Variants in BCR observed in about 807,000 individuals in gnomAD.
BCR encodes the protein breakpoint cluster region protein.
BCR carries 58 observed loss-of-function variants against 138.6 expected under a neutral mutation model. That is an observed-to-expected ratio of 0.42 (90% confidence interval 0.34 to 0.52). BCR has a LOEUF of 0.52. Among genes scored for constraint, BCR ranks in the 20% least tolerant of loss-of-function variants. The pLI, the probability that BCR is intolerant of heterozygous loss-of-function variation, is 0.06. For synonymous variants in BCR, 786 were observed against 730.1 expected, an observed-to-expected ratio of 1.08 and a Z score of -1.23; for missense variants, 1,599 against 1,727.2, an observed-to-expected ratio of 0.93 and a Z score of 1.32.
chr22:23,305,433 G>A (rs1042571584), intron 16 of BCR, among the ~76,000 whole-genome samples: 1 of 152,220 alleles, frequency 6.6e-6, no homozygotes, highest in African/African-American at 2.4e-5. Context: ...CTGAGGGTGG[G>A]TGAGAGGATG....
intron 1 of BCR, among the ~76,000 whole-genome samples, chr22:23,204,742 C>A (rs995630723): frequency 6.6e-5 from 10 of 152,226 alleles, no homozygotes; most frequent in Non-Finnish European, 1.0e-4. Context: ...GTGCAGGTTT[C>A]ATCTGGGGCA....
intron 1 of BCR, among the ~76,000 whole-genome samples, chr22:23,227,862 C>T (rs1341626010): frequency 2.0e-5 from 3 of 152,190 alleles, no homozygotes; most frequent in Non-Finnish European, 4.4e-5. Context: ...CTGTCTGCCT[C>T]AGGTTACTGT....
intron 1 of BCR, among the ~76,000 whole-genome samples, chr22:23,188,586 T>G (rs1372519138): frequency 6.6e-6 from 1 of 152,152 alleles, no homozygotes; most frequent in African/African-American, 2.4e-5. Context: ...GTCCCCTGTT[T>G]AGAGTGAATG....
intron 1 of BCR, among the ~76,000 whole-genome samples, chr22:23,198,612 A>G (rs2071432): frequency 0.23 from 34,858 of 152,008 alleles, 4,528 homozygotes; most frequent in East Asian, 0.35. Flanking sequence ...GTGGCCATGG[A>G]TAAGTGAAGA....
rs995898726 is a variant in BCR, at chr22:23,314,781, C to T, written c.3726+67C>T. ...CAGAGGTGGCCTCTGCCTGCCCCACCCCCAGTCCTGCCCATCTTCTTACTT... is the reference window on the plus strand; with the variant it reads ...CAGAGGTGGCCTCTGCCTGCCCCACTCCCAGTCCTGCCCATCTTCTTACTT... On this transcript the variant is annotated intron_variant, in intron 22 of 22. Transcript: ENST00000305877. 14 of 1,572,164 alleles carry T rather than the reference C, an allele frequency of 8.9e-6. No homozygotes were observed. The African/African-American group carries it at 1.6e-4, about 18-fold the overall frequency.
chr22:23,244,707 CTG>C, intron 1 of BCR, among the ~76,000 whole-genome samples: 1 of 152,336 alleles, frequency 6.6e-6, no homozygotes, highest in South Asian at 2.1e-4. Context: ...GTACATTTGT[CTG>C]GGGCTAAACC....
intron 15 of BCR, 104 bp downstream of exon 15, chr22:23,292,742 G>A (rs553247362): frequency 4.8e-5 from 45 of 942,946 alleles, no homozygotes; most frequent in African/African-American, 4.7e-4. Context: ...GGCTTCCCCC[G>A]AAGGCAGTGC....
At chr22:23,188,347 A>G (rs964210607) in intron 1 of BCR, among the ~76,000 whole-genome samples, 6 of 152,234 alleles carry the variant, frequency 3.9e-5, no homozygotes, top group African/African-American at 1.2e-4. Flanking sequence ...GACTGGGTTC[A>G]GGGGAGCATG....
At chr22:23,264,252 A>G (rs2073410216) in intron 4 of BCR, 1 of 950,880 alleles carries the variant, frequency 1.1e-6, no homozygotes, top group Non-Finnish European at 1.7e-6. Context: ...CTTCCCGCTG[A>G]CGTCGACCCG....
intron 16 of BCR, among the ~76,000 whole-genome samples, chr22:23,298,999 C>A (rs192392029): frequency 7.2e-5 from 11 of 152,176 alleles, no homozygotes; most frequent in African/African-American, 2.4e-4. Flanking sequence ...CTCTCCAAGG[C>A]TGTTTTTTGT....
At chr22:23,288,030 C>G (rs573062984) in intron 11 of BCR, 67 bp from the exon 12 acceptor site, 2 of 1,487,180 alleles carry the variant, frequency 1.3e-6, no homozygotes, top group East Asian at 4.5e-5. Context: ...TAAGGTGCCC[C>G]GGGCCTACCA....
At chr22:23,295,190 G>C (rs775190563) in intron 16 of BCR, 35 bp downstream of exon 16, 8 of 1,608,484 alleles carry the variant, frequency 5.0e-6, no homozygotes, top group Middle Eastern at 1.7e-4. Flanking sequence ...CCTGCCCGAT[G>C]CATGGCGTCC....
At chr22:23,199,122 C>CAAA in intron 1 of BCR, 20 of 246,764 alleles carry the variant, frequency 8.1e-5, no homozygotes, top group East Asian at 1.3e-4. Flanking sequence ...AACTCCGTCT[C>CAAA]AAAAAAAAAA....
chr22:23,254,035 G>T, intron 2 of BCR, 55 bp downstream of exon 2: 2 of 1,533,576 alleles, frequency 1.3e-6, no homozygotes, highest in Admixed American at 3.8e-5. Flanking sequence ...TCCCTGAAGC[G>T]CAGCCCCATG....
chr22:23,273,188 C>T lies in BCR; in HGVS notation c.1974+55C>T, dbSNP rs997284854. On this transcript the variant is annotated intron_variant, in intron 7 of 22. Coordinates refer to ENST00000305877, the MANE Select transcript of BCR (RefSeq NM_004327.4). Reference sequence around the variant, plus strand: ...CCAAAACTGCCCCCTCGGGCACACACAGCAACAATGTTCTGAGACCTTTTT... The same window carrying T: ...CCAAAACTGCCCCCTCGGGCACACATAGCAACAATGTTCTGAGACCTTTTT... 3.2e-6 allele frequency: 5 copies of T among 1,566,192 alleles called. 1 individual carries two copies. The Admixed American group carries it at 5.1e-5, about 16-fold the overall frequency.
intron 19 of BCR, chr22:23,312,670 CAG>C (rs2074021193): frequency 3.5e-6 from 2 of 572,684 alleles, no homozygotes; most frequent in South Asian, 2.0e-5. Flanking sequence ...TCAGGCCAAG[CAG>C]GGGAGAGGAA....
At chr22:23,273,912 A>G in intron 8 of BCR, 138 bp downstream of exon 8, 1 of 1,256,662 alleles carries the variant, frequency 8.0e-7, no homozygotes, top group East Asian at 2.5e-5. Flanking sequence ...TTGGCCGCAC[A>G]CTCAGTCCTG....
intron 1 of BCR, among the ~76,000 whole-genome samples, chr22:23,192,410 C>T (rs551045934): frequency 6.6e-6 from 1 of 152,286 alleles, no homozygotes; most frequent in Admixed American, 6.5e-5. Context: ...CGGTTTTGGG[C>T]ACCTGCTGTG....
At chr22:23,296,519 C>G (rs936237816) in intron 16 of BCR, among the ~76,000 whole-genome samples, 1 of 152,194 alleles carries the variant, frequency 6.6e-6, no homozygotes, top group Non-Finnish European at 1.5e-5. Flanking sequence ...TGGCCTCACC[C>G]CCTTCTGCCA....
Sources: allele counts gnomAD v4.1 joint callset (sites outside exome capture counted in the v4.1 genomes callset), GRCh38; gene constraint gnomAD v4.1.1; transcripts MANE v1.5; gene names NCBI Gene and HGNC (gene_info 2026-07-23, HGNC 2026-07-21).